Variants in UGGT2 observed in about 807,000 individuals in gnomAD.
UGGT2 encodes the protein UDP-glucose:glycoprotein glucosyltransferase 2.
In UGGT2, 180 loss-of-function variants were observed where a neutral mutation model predicts 192.1. The ratio of observed to expected loss-of-function variants is 0.94; its 90% CI spans 0.83 to 1.06. The LOEUF (loss-of-function observed/expected upper bound fraction) is 1.06, where lower values mean the gene tolerates loss of function less well. UGGT2 is among the 50% of genes least tolerant of loss of function. The pLI, the probability that UGGT2 is intolerant of heterozygous loss-of-function variation, is 0.00. For synonymous variants in UGGT2, 580 were observed against 591.0 expected, an observed-to-expected ratio of 0.98 and a Z score of 0.27; for missense variants, 1,849 against 1,795.7, an observed-to-expected ratio of 1.03 and a Z score of -0.54.
chr13:95,932,188 C>T (rs1566719689), intron 17 of UGGT2, among the ~76,000 whole-genome samples: 1 of 152,164 alleles, frequency 6.6e-6, no homozygotes, highest in Non-Finnish European at 1.5e-5. Flanking sequence ...GTCTTCCAAT[C>T]CGTGAGCATG....
Position 96,013,482 on chromosome 13 carries a change from C to T in UGGT2, c.486-1G>A. ...TCCTTTAAATAGATAAGGTCTAGTC[C>T]TAAGATAAAAGCAAAACACAAAGTT... On this transcript the variant is annotated splice_acceptor_variant, in intron 4 of 38. Transcript: ENST00000376747. LOFTEE classifies it high-confidence loss of function. The T allele has an allele frequency of 6.6e-7, 1 of 1,507,348 alleles. No homozygotes were observed. Among genetic ancestry groups the T allele is most frequent in the East Asian group, 2.4e-5 (1 of 41,046 alleles). The allele number at this position is 1,507,348 out of a possible 1,614,324, so 93.4% of individuals were successfully genotyped here.
intron 20 of UGGT2, among the ~76,000 whole-genome samples, chr13:95,914,829 C>T (rs187800872): frequency 6.6e-6 from 1 of 151,578 alleles, no homozygotes; most frequent in Non-Finnish European, 1.5e-5. Context: ...GAACAAAAAA[C>T]CCCCTGCAAA....
At chr13:95,967,406 C>T (rs1035141038) in intron 12 of UGGT2, among the ~76,000 whole-genome samples, 1 of 151,180 alleles carries the variant, frequency 6.6e-6, no homozygotes, top group Non-Finnish European at 1.5e-5. Context: ...CCACCACGTG[C>T]TCCTCAAAGT....
intron 12 of UGGT2, among the ~76,000 whole-genome samples, chr13:95,955,448 G>A (rs551134327): frequency 1.3e-5 from 2 of 152,304 alleles, no homozygotes; most frequent in East Asian, 3.9e-4. Flanking sequence ...TGCAAATCAG[G>A]TGGTACCTGG....
At chr13:95,972,454 T>A (rs2050802287) in intron 11 of UGGT2, 126 bp downstream of exon 11, 1 of 899,384 alleles carries the variant, frequency 1.1e-6, no homozygotes, top group Non-Finnish European at 1.7e-6. Flanking sequence ...AGAAAGCTGT[T>A]TTGTACAATC....
intron 38 of UGGT2, among the ~76,000 whole-genome samples, chr13:95,810,733 C>T (rs1461719458): frequency 4.6e-5 from 7 of 151,642 alleles, no homozygotes; most frequent in Non-Finnish European, 8.8e-5. Flanking sequence ...AGCTATAGTA[C>T]CAAAAACACA....
At chr13:95,865,404 G>T (rs7321296) in intron 30 of UGGT2, among the ~76,000 whole-genome samples, 1 of 152,054 alleles carries the variant, frequency 6.6e-6, no homozygotes. Context: ...CAGCACTCTG[G>T]GAGGCCAAGG....
At chr13:96,033,846 G>C (rs140240153) in intron 1 of UGGT2, among the ~76,000 whole-genome samples, 1 of 152,184 alleles carries the variant, frequency 6.6e-6, no homozygotes, top group African/African-American at 2.4e-5. Flanking sequence ...GGCCTGAAAG[G>C]TGCCCCATGA....
chr13:95,970,720 T>A (rs1001906454), intron 11 of UGGT2, among the ~76,000 whole-genome samples: 1 of 152,186 alleles, frequency 6.6e-6, no homozygotes, highest in Non-Finnish European at 1.5e-5. Context: ...TTTTATTACA[T>A]ATAATTTGAA....
Position 95,859,603 on chromosome 13 carries a change from TGA to T in UGGT2, c.3811_3812del (p.Ser1271ThrfsTer4). The T allele has an allele frequency of 6.2e-7, 1 of 1,609,728 alleles. No homozygotes were observed. The highest frequency in any genetic ancestry group is 1.1e-5 in the South Asian group (1 of 90,522). On this transcript the variant is annotated frameshift_variant, in exon 33 of 39. Transcript: ENST00000376747. LOFTEE classifies it high-confidence loss of function. ...VKFWLLKNYLSPTFKEVIPHM... is the reference protein window; with the variant it reads ...VKFWLLKNYLXPTFKEVIPHM... ...GCTATGTACTTACTTTAAATGTCGG[TGA>T]GAGATAATTTTTTAGCAACCAGAAT...
chr13:95,842,192 T>A (rs1887936181), intron 36 of UGGT2, among the ~76,000 whole-genome samples: 1 of 152,136 alleles, frequency 6.6e-6, no homozygotes, highest in Non-Finnish European at 1.5e-5. Flanking sequence ...CTCCTATCCT[T>A]CCTCTATGCA....
At chr13:96,006,364 C>T (rs2051974464) in intron 5 of UGGT2, among the ~76,000 whole-genome samples, 1 of 152,094 alleles carries the variant, frequency 6.6e-6, no homozygotes, top group African/African-American at 2.4e-5. Context: ...GTGGCTCATG[C>T]CTGTAATCCC....
intron 38 of UGGT2, among the ~76,000 whole-genome samples, chr13:95,821,203 AC>A (rs1885475673): frequency 6.6e-6 from 1 of 152,100 alleles, no homozygotes. Flanking sequence ...TACAGTCCCA[AC>A]AGTAGGGTAA....
chr13:95,856,387 GTTTT>G (rs1566596637), intron 33 of UGGT2, 47 bp from the exon 34 acceptor site: 3 of 1,563,214 alleles, frequency 1.9e-6, no homozygotes, highest in South Asian at 1.2e-5. Flanking sequence ...AGAGAAAGTA[GTTTT>G]GTTTTAGAGA....
At chr13:95,904,232 T>C (rs1347751358) in intron 20 of UGGT2, among the ~76,000 whole-genome samples, 1 of 152,130 alleles carries the variant, frequency 6.6e-6, no homozygotes, top group Admixed American at 6.6e-5. Context: ...ATGGCTACTG[T>C]GTTTTGGGTC....
chr13:96,040,364 CT>C (rs1445699907), intron 1 of UGGT2, among the ~76,000 whole-genome samples: 2 of 152,154 alleles, frequency 1.3e-5, no homozygotes, highest in African/African-American at 4.8e-5. Flanking sequence ...CAATCTCTAA[CT>C]TCACATGGCC....
At chr13:95,831,040 A>C (rs1886621062) in intron 38 of UGGT2, among the ~76,000 whole-genome samples, 1 of 150,000 alleles carries the variant, frequency 6.7e-6, no homozygotes, top group Non-Finnish European at 1.5e-5. Flanking sequence ...AGAAAACCAA[A>C]CACCGCCTGT....
intron 26 of UGGT2, chr13:95,887,538 A>G (rs1286713239): frequency 1.9e-5 from 6 of 309,676 alleles, no homozygotes; most frequent in Non-Finnish European, 2.5e-5. Flanking sequence ...TGATGATATA[A>G]TAAAGATCAT....
intron 29 of UGGT2, among the ~76,000 whole-genome samples, chr13:95,872,561 CAT>C (rs143282346): frequency 0.011 from 1,639 of 152,150 alleles, 27 homozygotes; most frequent in African/African-American, 0.037. Flanking sequence ...TACACAGTAA[CAT>C]GTATTTTTTT....
Sources: gnomAD v4.1 joint callset for allele counts (sites outside exome capture counted in the v4.1 genomes callset) on GRCh38, gnomAD v4.1.1 for gene constraint, MANE v1.5 for transcripts, NCBI Gene and HGNC (gene_info 2026-07-23, HGNC 2026-07-21) for gene names.